PLCB1: variants seen among roughly 807,000 people sequenced by gnomAD.
PLCB1 encodes phospholipase C beta 1.
PLCB1 carries 46 observed loss-of-function variants against 161.8 expected under a neutral mutation model. That is an observed-to-expected ratio of 0.28 (90% CI 0.22 to 0.36). The LOEUF (loss-of-function observed/expected upper bound fraction) is 0.36. Among genes scored for constraint, PLCB1 ranks in the 10% least tolerant of loss-of-function variants. The pLI, the probability that PLCB1 is intolerant of heterozygous loss-of-function variation, is 1.00. For synonymous variants in PLCB1, 517 were observed against 503.7 expected (o/e 1.03, Z -0.35); for missense variants, 1,016 against 1,472.5 (o/e 0.69, Z 5.07).
At chr20:8,747,975 T>C (rs1194087706) in intron 23 of PLCB1, among the ~76,000 whole-genome samples, 1 of 152,288 alleles carries the variant, frequency 6.6e-6, no homozygotes, top group Admixed American at 6.5e-5. Context: ...AAACTTGATA[T>C]TTCATTCACA....
intron 3 of PLCB1, among the ~76,000 whole-genome samples, chr20:8,481,652 T>TG (rs1024552488): frequency 1.4e-4 from 22 of 152,280 alleles, no homozygotes; most frequent in Middle Eastern, 3.4e-3. Context: ...ATTACCATTT[T>TG]GGGGGGGAAT....
At chr20:8,533,631 T>G (rs1240625056) in intron 3 of PLCB1, among the ~76,000 whole-genome samples, 3 of 151,214 alleles carry the variant, frequency 2.0e-5, no homozygotes, top group Non-Finnish European at 4.4e-5. Context: ...TGAGCATTTT[T>G]TCATGTGTTT....
Position 8,791,838 on chromosome 20 carries a change from C to T in PLCB1, c.3423+1577C>T, listed in dbSNP as rs144026399. Among the ~76,000 whole-genome samples, 333 of 152,252 alleles carry T rather than the reference C, an allele frequency of 2.2e-3. 5 individuals carry two copies. The highest frequency in any genetic ancestry group is 0.017 in the Middle Eastern group (5 of 294). ...CAGTAAATGTGGAAGCACCCTTAAACTTCTTCCCTGGATATAACTGGACAT... is the reference window on the plus strand; with the variant it reads ...CAGTAAATGTGGAAGCACCCTTAAATTTCTTCCCTGGATATAACTGGACAT... On this transcript the variant is annotated intron_variant, in intron 31 of 31. Coordinates refer to ENST00000338037, the MANE Select transcript of PLCB1 (RefSeq NM_015192.4).
chr20:8,368,073 G>C (rs1448968932), intron 2 of PLCB1, among the ~76,000 whole-genome samples: 1 of 152,166 alleles, frequency 6.6e-6, no homozygotes, highest in African/African-American at 2.4e-5. Context: ...ATGAATCCTG[G>C]AAGTGGAATA....
intron 2 of PLCB1, among the ~76,000 whole-genome samples, chr20:8,179,717 T>G (rs116729696): frequency 1.5e-3 from 235 of 152,280 alleles, no homozygotes; most frequent in African/African-American, 5.5e-3. Flanking sequence ...CTTTGTCTTG[T>G]TCTTGTCCCA....
intron 19 of PLCB1, among the ~76,000 whole-genome samples, chr20:8,736,700 G>A (rs1014525516): frequency 6.6e-6 from 1 of 152,136 alleles, no homozygotes; most frequent in Non-Finnish European, 1.5e-5. Flanking sequence ...GGGGGGAACT[G>A]CCACACACTT....
chr20:8,342,767 G>A (rs1985857210), intron 2 of PLCB1, among the ~76,000 whole-genome samples: 1 of 151,986 alleles, frequency 6.6e-6, no homozygotes, highest in African/African-American at 2.4e-5. Context: ...CAAAGAAAGA[G>A]ACAAAAAAAT....
At chr20:8,145,368 A>G (rs752760842) in intron 1 of PLCB1, among the ~76,000 whole-genome samples, 3 of 152,252 alleles carry the variant, frequency 2.0e-5, no homozygotes, top group Non-Finnish European at 2.9e-5. Context: ...TAAAGACCCT[A>G]TCTCTAAATA....
At chr20:8,670,477 G>A (rs746637929) in intron 9 of PLCB1, among the ~76,000 whole-genome samples, 12 of 152,238 alleles carry the variant, frequency 7.9e-5, no homozygotes, top group Non-Finnish European at 1.6e-4. Flanking sequence ...CTTTTGAGAA[G>A]AGTACATAGC....
chr20:8,256,728 T>C (rs918706182), intron 2 of PLCB1: 2 of 152,106 alleles, frequency 1.3e-5, no homozygotes, highest in East Asian at 1.9e-4. Context: ...ACCCTTTTCA[T>C]TGGAGCAATA....
At chr20:8,795,907 C>T (rs1257834519) in intron 31 of PLCB1, among the ~76,000 whole-genome samples, 9 of 96,878 alleles carry the variant, frequency 9.3e-5, no homozygotes, top group African/African-American at 2.2e-4. Context: ...AAAGAAAACA[C>T]GGTTAGTCAC....
chr20:8,296,821 CA>C (rs1159311802), intron 2 of PLCB1, among the ~76,000 whole-genome samples: 2 of 152,104 alleles, frequency 1.3e-5, no homozygotes, highest in African/African-American at 4.8e-5. Context: ...TGAAAATGTA[CA>C]ATGCTTTTCC....
At chr20:8,218,186 C>G (rs889953597) in intron 2 of PLCB1, among the ~76,000 whole-genome samples, 2 of 152,044 alleles carry the variant, frequency 1.3e-5, no homozygotes, top group Non-Finnish European at 2.9e-5. Flanking sequence ...CAAATGTGTT[C>G]CCTGTTTTCA....
chr20:8,179,248 A>G (rs76623167), intron 2 of PLCB1, among the ~76,000 whole-genome samples: 3 of 151,816 alleles, frequency 2.0e-5, no homozygotes, highest in African/African-American at 4.8e-5. Context: ...ATCAATATTG[A>G]CTCTTCCTAT....
At chr20:8,662,380 T>C (rs1367266590) in intron 9 of PLCB1, among the ~76,000 whole-genome samples, 1 of 130,218 alleles carries the variant, frequency 7.7e-6, no homozygotes, top group Non-Finnish European at 1.5e-5. Flanking sequence ...TAATTATGTA[T>C]AATATATAAT....
chr20:8,589,267 G>A (rs371240243), intron 3 of PLCB1, among the ~76,000 whole-genome samples: 8 of 152,090 alleles, frequency 5.3e-5, no homozygotes, highest in African/African-American at 1.9e-4. Flanking sequence ...GAGTTACATC[G>A]GTGACCAAAA....
At chr20:8,308,755 C>T (rs183576024) in intron 2 of PLCB1, among the ~76,000 whole-genome samples, 12 of 151,716 alleles carry the variant, frequency 7.9e-5, no homozygotes, top group Non-Finnish European at 1.3e-4. Context: ...ACCCAGGTAG[C>T]GTCCATAGCT....
intron 1 of PLCB1, among the ~76,000 whole-genome samples, chr20:8,133,976 G>T (rs567135254): frequency 5.9e-5 from 9 of 152,260 alleles, no homozygotes; most frequent in African/African-American, 2.2e-4. Context: ...AGCTGAGTGC[G>T]TCTGTGTCTA....
intron 10 of PLCB1, among the ~76,000 whole-genome samples, chr20:8,685,776 CA>C (rs1307320546): frequency 1.3e-5 from 2 of 151,606 alleles, no homozygotes; most frequent in African/African-American, 2.4e-5. Flanking sequence ...GCTTTTTGTT[CA>C]AGGTAGGACA....
Sources: allele counts gnomAD v4.1 joint callset (sites outside exome capture counted in the v4.1 genomes callset), GRCh38; gene constraint gnomAD v4.1.1; transcripts MANE v1.5; gene names NCBI Gene and HGNC (gene_info 2026-07-23, HGNC 2026-07-21).